The following APBA2 variants were observed in gnomAD, a reference collection of about 807,000 sequenced individuals.
APBA2 encodes the protein amyloid beta precursor protein binding family A member 2.
A neutral mutation model predicts 75.0 loss-of-function variants in APBA2; 30 were observed. The observed-to-expected ratio is 0.40, with a 90% CI of 0.30 to 0.54. The LOEUF is 0.54. Ranked by LOEUF, APBA2 falls within the 20% of genes least tolerant of loss-of-function variation. APBA2 has a pLI of 0.49. For synonymous variants in APBA2, 444 were observed against 409.6 expected (o/e 1.08, Z -1.01); for missense variants, 801 against 1,016.1 (o/e 0.79, Z 2.88).
At chr15:28,950,022 A>G (rs895604427) in intron 2 of APBA2, among the ~76,000 whole-genome samples, 11 of 152,160 alleles carry the variant, frequency 7.2e-5, no homozygotes, top group African/African-American at 2.7e-4. Context: ...TGTCCAGGCC[A>G]CTACGTTACC....
intron 5 of APBA2, 59 bp downstream of exon 5, chr15:29,075,060 C>A: frequency 8.2e-7 from 1 of 1,223,046 alleles, no homozygotes; most frequent in Non-Finnish European, 1.2e-6. Context: ...GATGGAGTGG[C>A]CCACCGAGTT....
At chr15:28,983,315 T>C (rs2037720189) in intron 2 of APBA2, among the ~76,000 whole-genome samples, 1 of 152,198 alleles carries the variant, frequency 6.6e-6, no homozygotes, top group Non-Finnish European at 1.5e-5. Flanking sequence ...TTCATTTCCT[T>C]GCCTTCATTT....
At chr15:28,951,881 C>CTTTTTTTTTT (rs71414600) in intron 2 of APBA2, among the ~76,000 whole-genome samples, 1 of 109,824 alleles carries the variant, frequency 9.1e-6, no homozygotes. Context: ...TGCACTCAGC[C>CTTTTTTTTTT]TTTTTTTTTT....
intron 1 of APBA2, among the ~76,000 whole-genome samples, chr15:28,916,080 C>A (rs1269479935): frequency 6.6e-6 from 1 of 152,260 alleles, no homozygotes; most frequent in African/African-American, 2.4e-5. Context: ...CGCCTGCGCA[C>A]CCCCGGCTGT....
intron 3 of APBA2, among the ~76,000 whole-genome samples, chr15:29,033,742 C>T (rs1314103131): frequency 1.3e-5 from 2 of 152,058 alleles, no homozygotes; most frequent in East Asian, 1.9e-4. Context: ...AGCTGGATCA[C>T]GAGGTCAGGA....
At chr15:28,953,834 G>T (rs540813822) in intron 2 of APBA2, among the ~76,000 whole-genome samples, 4 of 152,174 alleles carry the variant, frequency 2.6e-5, no homozygotes, top group African/African-American at 9.6e-5. Flanking sequence ...CCTCTTCTCC[G>T]CTCGGTCCAC....
At chr15:29,032,912 G>GACAGAC (rs1286878264) in intron 3 of APBA2, among the ~76,000 whole-genome samples, 12 of 152,252 alleles carry the variant, frequency 7.9e-5, no homozygotes, top group Non-Finnish European at 1.3e-4. Context: ...GGACAGGTCA[G>GACAGAC]ACAGACACAC....
chr15:28,915,316 AC>A lies in APBA2; in HGVS notation c.-204-6322del, dbSNP rs2033638911. Among the ~76,000 whole-genome samples, 8 of 131,594 alleles carry A rather than the reference AC, an allele frequency of 6.1e-5. No individual in the cohort carries two copies. In the South Asian group the frequency reaches 7.5e-4, roughly 12 times the overall value. The allele number at this position is 131,594 out of a possible 152,430, so 86.3% of individuals were successfully genotyped here. A position where few individuals can be genotyped will look rare whatever the true frequency, so the allele number is the denominator to read the frequency against. On this transcript the variant is annotated intron_variant, in intron 1 of 14. Coordinates refer to ENST00000683413, the MANE Select transcript of APBA2 (RefSeq NM_001353788.2). ...ACCCCATATACACCACACACCACAC[AC>A]CATACACATATCCCATACACACCAA...
intron 3 of APBA2, among the ~76,000 whole-genome samples, chr15:29,047,143 A>G (rs2041375140): frequency 6.6e-6 from 1 of 152,174 alleles, no homozygotes; most frequent in Admixed American, 6.5e-5. Flanking sequence ...TGAAACAAGG[A>G]CCTTCAGTCT....
At chr15:29,071,670 C>G (rs2042628771) in intron 4 of APBA2, among the ~76,000 whole-genome samples, 1 of 149,176 alleles carries the variant, frequency 6.7e-6, no homozygotes, top group African/African-American at 2.5e-5. Flanking sequence ...AGCCCCCCAA[C>G]CCCGCCACCC....
chr15:28,984,611 G>T (rs1252334324), intron 2 of APBA2, among the ~76,000 whole-genome samples: 4 of 151,964 alleles, frequency 2.6e-5, no homozygotes, highest in Non-Finnish European at 4.4e-5. Context: ...GAGAGGCAGG[G>T]TCTCTCTGTC....
rs749183539 is a variant in APBA2 at position 29,054,284 on chromosome 15, T to C, written c.400T>C (p.Cys134Arg). The C allele has an allele frequency of 1.2e-6, 2 of 1,614,026 alleles. No individual in the cohort carries two copies. Among genetic ancestry groups the C allele is most frequent in the Admixed American group, 3.3e-5 (2 of 60,018 alleles). The change falls in exon 4 of 15, where the codon TGC becomes CGC. Residue 134 changes from cysteine (C) to arginine (R), a missense_variant. This residue lies in a region of APBA2 where 434 missense variants were observed against 471.6 expected (regional missense o/e 0.92). Transcript: ENST00000683413. This position sits in a 1 kb window ranked among gnomAD's most constrained non-coding sequence, Gnocchi z 6.1. ...HSAHPVDTDE[C>R]QEAVEEWTDS... Reference sequence around the variant, plus strand: ...TGCACACCCTGTGGACACTGATGAGTGCCAGGAGGCGGTGGAGGAGTGGAC... The same window carrying C: ...TGCACACCCTGTGGACACTGATGAGCGCCAGGAGGCGGTGGAGGAGTGGAC...
At chr15:29,001,119 C>T (rs182774935) in intron 3 of APBA2, among the ~76,000 whole-genome samples, 2 of 152,286 alleles carry the variant, frequency 1.3e-5, no homozygotes, top group East Asian at 3.9e-4. Context: ...CCTGCTTGTC[C>T]CATATCCTCC....
chr15:29,077,253 A>G (rs990545215), intron 6 of APBA2, among the ~76,000 whole-genome samples: 1 of 152,138 alleles, frequency 6.6e-6, no homozygotes, highest in African/African-American at 2.4e-5. Flanking sequence ...TCCCGCTTGT[A>G]GTGTTTGATT....
chr15:29,041,102 A>G lies in APBA2; in HGVS notation c.-40-12743A>G, dbSNP rs146893853. ...ACTGGATGAGTTCAAAAGCAAATGT[A>G]TATGACAGAAGAAAGAATCTAAGTT... is the stretch of plus-strand genomic sequence containing the variant. On this transcript the variant is annotated intron_variant, in intron 3 of 14. Coordinates refer to ENST00000683413, the MANE Select transcript of APBA2 (RefSeq NM_001353788.2). Among the ~76,000 whole-genome samples the G allele has an allele frequency of 1.1e-4, 17 of 152,366 alleles. No homozygotes were observed. The East Asian group carries it at 2.9e-3, about 26-fold the overall frequency.
At chr15:29,068,403 G>A (rs1300403942) in intron 4 of APBA2, among the ~76,000 whole-genome samples, 2 of 152,234 alleles carry the variant, frequency 1.3e-5, no homozygotes, top group Non-Finnish European at 2.9e-5. Context: ...AAAACCAAAT[G>A]GAATTCTCCC....
intron 2 of APBA2, among the ~76,000 whole-genome samples, chr15:28,961,024 G>T (rs779644652): frequency 2.0e-5 from 3 of 152,068 alleles, no homozygotes; most frequent in Non-Finnish European, 4.4e-5. Flanking sequence ...CTCCCAGAGT[G>T]CTGGGATTAC....
At chr15:29,009,172 A>G (rs1004465124) in intron 3 of APBA2, among the ~76,000 whole-genome samples, 1 of 152,200 alleles carries the variant, frequency 6.6e-6, no homozygotes, top group African/African-American at 2.4e-5. Context: ...GGTTCAAAGC[A>G]GAATCTGAGG....
chr15:29,040,072 C>T (rs12438928), intron 3 of APBA2, among the ~76,000 whole-genome samples: 32,346 of 152,066 alleles, frequency 0.21, 4,348 homozygotes, highest in East Asian at 0.45. Context: ...AAAAGAGGAA[C>T]GCTGCAAGCT....
Sources: allele counts gnomAD v4.1 joint callset (sites outside exome capture counted in the v4.1 genomes callset), GRCh38; gene constraint gnomAD v4.1.1; regional missense constraint gnomAD v4.1.1; non-coding constraint Gnocchi (gnomAD v3.1); transcripts MANE v1.5; gene names NCBI Gene and HGNC (gene_info 2026-07-23, HGNC 2026-07-21).